The following ERBB4 variants were observed in gnomAD, a reference collection of about 807,000 sequenced individuals.
The protein encoded by ERBB4 is erb-b2 receptor tyrosine kinase 4.
In ERBB4, 42 loss-of-function variants were observed where a neutral mutation model predicts 158.0. That is an observed-to-expected ratio of 0.27 (90% CI 0.21 to 0.34). The LOEUF is 0.34. ERBB4 is among the 10% of genes least tolerant of loss of function. The pLI is 1.00. For synonymous variants in ERBB4, 583 were observed against 558.7 expected (o/e 1.04, Z -0.61); for missense variants, 1,333 against 1,624.1 (o/e 0.82, Z 3.08).
Position 211,742,579 on chromosome 2 carries a change from G to T in ERBB4, c.622+8060C>A, listed in dbSNP as rs114015354. On this transcript the variant is annotated intron_variant, in intron 5 of 27. Coordinates refer to ENST00000342788, the MANE Select transcript of ERBB4 (RefSeq NM_005235.3). Reference sequence around the variant, plus strand: ...TCTTAAGAATAAATAAAATTCATAAGCCAGGCTAAGGTTTTGTTTTTTTCC... The same window carrying T: ...TCTTAAGAATAAATAAAATTCATAATCCAGGCTAAGGTTTTGTTTTTTTCC... 4.3e-3 allele frequency among the ~76,000 whole-genome samples: 570 copies of T among 131,322 alleles called. 4 individuals carry two copies. The highest frequency in any genetic ancestry group is 0.017 in the African/African-American group (550 of 33,328). 86.2% of individuals were successfully genotyped at this position (131,322 alleles called of 152,430 possible). A position where few individuals can be genotyped will look rare whatever the true frequency, so the allele number is the denominator to read the frequency against.
rs767369850 is a variant in ERBB4, at chr2:211,712,103, T to A, written c.1071A>T (p.Ile357=). The A allele has an allele frequency of 1.9e-6, 3 of 1,612,388 alleles. No homozygotes were observed. The highest frequency in any genetic ancestry group is 3.3e-5 in the Admixed American group (2 of 60,012). Residue 357 remains isoleucine (I), a synonymous_variant, in exon 9 of 28, where the codon ATA becomes ATT. Coordinates refer to ENST00000342788, the MANE Select transcript of ERBB4 (RefSeq NM_005235.3). ...AATTCCCATTGATCTTGGTACAGTT[T>A]ATGAATTTGTCAATGTTACTGGAAT... ...TVDSSNIDKF[I]NCTKINGNLI... is the part of the protein sequence containing the mutation.
chr2:211,657,743 G>A lies in ERBB4; in HGVS notation c.1946+11C>T. ...ATTTGAGCGACAAAATGGAAACATG[G>A]TAGATGTTACCTAGCATGTTGTGGT... On this transcript the variant is annotated intron_variant, in intron 16 of 27. Coordinates refer to ENST00000342788, the MANE Select transcript of ERBB4 (RefSeq NM_005235.3). 1 of 1,601,490 alleles carries A rather than the reference G, an allele frequency of 6.2e-7. No individual in the cohort carries two copies.
intron 1 of ERBB4, among the ~76,000 whole-genome samples, chr2:212,281,169 G>C (rs142614054): frequency 6.6e-6 from 1 of 151,170 alleles, no homozygotes; most frequent in African/African-American, 2.4e-5. Flanking sequence ...ATCTCAATTT[G>C]CTCTTCTATT....
intron 2 of ERBB4, among the ~76,000 whole-genome samples, chr2:212,027,985 C>T (rs2076813959): frequency 6.6e-6 from 1 of 152,074 alleles, no homozygotes; most frequent in Non-Finnish European, 1.5e-5. Context: ...CTTTGTAGTT[C>T]TTCAAAATCT....
intron 3 of ERBB4, among the ~76,000 whole-genome samples, chr2:211,873,917 T>C (rs1412213016): frequency 2.0e-5 from 3 of 152,016 alleles, no homozygotes; most frequent in Non-Finnish European, 2.9e-5. Flanking sequence ...GTATAACTCA[T>C]GGTATATATA....
intron 22 of ERBB4, among the ~76,000 whole-genome samples, chr2:211,425,383 ATTCT>A (rs1559155196): frequency 1.3e-5 from 2 of 149,056 alleles, no homozygotes; most frequent in Non-Finnish European, 1.5e-5. Context: ...ATTTAAAATT[ATTCT>A]TTCTAATAGA....
chr2:211,591,860 G>C (rs570380123), intron 19 of ERBB4, among the ~76,000 whole-genome samples: 1 of 152,314 alleles, frequency 6.6e-6, no homozygotes, highest in East Asian at 1.9e-4. Flanking sequence ...TTTAAGCCGA[G>C]TCTCAGTTTC....
At chr2:212,252,720 A>G (rs1252767274) in intron 1 of ERBB4, among the ~76,000 whole-genome samples, 1 of 152,114 alleles carries the variant, frequency 6.6e-6, no homozygotes. Flanking sequence ...AGGAAAGAAT[A>G]ATGAGACTTT....
intron 1 of ERBB4, among the ~76,000 whole-genome samples, chr2:212,152,237 C>T (rs1050532550): frequency 5.3e-5 from 8 of 152,018 alleles, no homozygotes; most frequent in African/African-American, 1.9e-4. Context: ...TTGTGATCTT[C>T]GGCTAATTAT....
rs188423084 is a variant in ERBB4, at chr2:211,393,063, T to A, written c.3136-5071A>T. On this transcript the variant is annotated intron_variant, in intron 25 of 27. Transcript: ENST00000342788. The stretch of plus-strand genomic sequence containing the variant: ...GAACAAATGGAAACTATGAGTGGTA[T>A]CTGTAAATATGAACAAGAGTCAAGA... 6.8e-3 allele frequency among the ~76,000 whole-genome samples: 1,032 copies of A among 152,324 alleles called. 13 individuals are homozygous for A. The highest frequency in any genetic ancestry group is 0.021 in the South Asian group (102 of 4,828).
At chr2:212,499,777 T>C (rs1013939280) in intron 1 of ERBB4, among the ~76,000 whole-genome samples, 1 of 152,086 alleles carries the variant, frequency 6.6e-6, no homozygotes, top group East Asian at 1.9e-4. Flanking sequence ...TGGATTCGTT[T>C]AGAACTGTTG....
chr2:212,219,133 A>G (rs886364912), intron 1 of ERBB4, among the ~76,000 whole-genome samples: 11 of 151,424 alleles, frequency 7.3e-5, no homozygotes, highest in Non-Finnish European at 8.9e-5. Context: ...GAGTTTACAG[A>G]TTACAATCTA....
chr2:211,457,411 A>G (rs1025611885), intron 20 of ERBB4, among the ~76,000 whole-genome samples: 1 of 152,204 alleles, frequency 6.6e-6, no homozygotes, highest in Non-Finnish European at 1.5e-5. Context: ...TGTGTTAGTC[A>G]TTGTAGTGAC....
intron 1 of ERBB4, among the ~76,000 whole-genome samples, chr2:212,423,260 A>G (rs369064785): frequency 6.6e-6 from 1 of 152,196 alleles, no homozygotes; most frequent in African/African-American, 2.4e-5. Context: ...AACACGTTAC[A>G]GTCACCAAAC....
intron 1 of ERBB4, among the ~76,000 whole-genome samples, chr2:212,234,232 G>C (rs560806773): frequency 6.6e-6 from 1 of 152,150 alleles, no homozygotes; most frequent in East Asian, 1.9e-4. Context: ...AACATGCAGT[G>C]TTGGGTTTTC....
intron 5 of ERBB4, among the ~76,000 whole-genome samples, chr2:211,746,285 T>C (rs2074970690): frequency 6.6e-6 from 1 of 152,102 alleles, no homozygotes; most frequent in South Asian, 2.1e-4. Flanking sequence ...TAAAGCAAAA[T>C]AATATAAAAT....
At chr2:211,643,013 T>G (rs191020015) in intron 16 of ERBB4, among the ~76,000 whole-genome samples, 2 of 152,122 alleles carry the variant, frequency 1.3e-5, no homozygotes, top group African/African-American at 4.8e-5. Context: ...TGAGACAAGT[T>G]ATTTTTCTTT....
At chr2:211,936,417 G>T (rs1212157014) in intron 3 of ERBB4, among the ~76,000 whole-genome samples, 2 of 151,590 alleles carry the variant, frequency 1.3e-5, no homozygotes, top group Non-Finnish European at 2.9e-5. Flanking sequence ...AAAAGTTATG[G>T]ATCACCATTT....
chr2:212,380,353 T>C (rs2090462393), intron 1 of ERBB4, among the ~76,000 whole-genome samples: 1 of 151,344 alleles, frequency 6.6e-6, no homozygotes, highest in African/African-American at 2.4e-5. Flanking sequence ...TGATTTAAAG[T>C]ATATGGGAAG....
Sources: allele counts gnomAD v4.1 joint callset (sites outside exome capture counted in the v4.1 genomes callset), GRCh38; gene constraint gnomAD v4.1.1; transcripts MANE v1.5; gene names NCBI Gene and HGNC (gene_info 2026-07-23, HGNC 2026-07-21).